CPNE9: variants seen among roughly 807,000 people sequenced by gnomAD.
CPNE9 encodes the protein copine-9.
Under a neutral mutation model 83.0 loss-of-function variants are expected in CPNE9, and 59 were observed. The observed-to-expected ratio is 0.71, with a 90% CI of 0.58 to 0.88. The LOEUF (loss-of-function observed/expected upper bound fraction) is 0.88. CPNE9 is among the 40% of genes least tolerant of loss of function. The probability of loss-of-function intolerance (pLI) is 0.00; values close to 1 mark genes in which losing one functional copy is unlikely to be tolerated. For missense variants in CPNE9, 619 were observed against 720.8 expected, an observed-to-expected ratio of 0.86 and a Z score of 1.62; for synonymous variants, 256 against 273.4, an observed-to-expected ratio of 0.94 and a Z score of 0.63.
At chr3:9,712,954 A>C (rs1553689955) in intron 9 of CPNE9, 21 bp from the exon 10 acceptor site, 1 of 1,605,836 alleles carries the variant, frequency 6.2e-7, no homozygotes, top group Non-Finnish European at 8.5e-7. Flanking sequence ...AATTATACCA[A>C]TTCTTCCCAC....
rs141915900 is a variant in CPNE9, at chr3:9,707,227, C to T, written c.377+1164C>T. 4.4e-3 allele frequency among the ~76,000 whole-genome samples: 668 copies of T among 151,784 alleles called. 6 individuals are homozygous for T. Among genetic ancestry groups the T allele is most frequent in the African/African-American group, 0.015 (626 of 41,342 alleles). ...ACTTAGCTAGGCATGGTGGTGGGTGCCTGTAGTCCCAGCTGCTTGGGAGGC... is the reference window on the plus strand; with the variant it reads ...ACTTAGCTAGGCATGGTGGTGGGTGTCTGTAGTCCCAGCTGCTTGGGAGGC... On this transcript the variant is annotated intron_variant, in intron 7 of 20. Coordinates refer to ENST00000383832, the MANE Select transcript of CPNE9 (RefSeq NM_153635.3).
chr3:9,705,425 A>G, intron 4 of CPNE9, 39 bp from the exon 5 acceptor site: 1 of 303,378 alleles, frequency 3.3e-6, no homozygotes, highest in Non-Finnish European at 5.6e-6. Context: ...CCTCTCCCCC[A>G]CCCAGCCCCA....
chr3:9,727,439 C>T, intron 20 of CPNE9: 2 of 717,404 alleles, frequency 2.8e-6, no homozygotes, highest in Non-Finnish European at 5.2e-6. Context: ...AATAAATAAT[C>T]ACACAAAGAA....
intron 5 of CPNE9, 86 bp downstream of exon 5, chr3:9,705,586 T>C: frequency 6.4e-7 from 1 of 1,566,334 alleles, no homozygotes. Context: ...CTCCCAACCC[T>C]CGACCCAGAC....
chr3:9,705,533 C>T (rs759848118), intron 5 of CPNE9, 33 bp downstream of exon 5: 1 of 1,607,664 alleles, frequency 6.2e-7, no homozygotes, highest in Non-Finnish European at 8.5e-7. Context: ...GTTGGCGGAG[C>T]GCACAGGAGG....
chr3:9,727,213 G>T (rs535517712), intron 20 of CPNE9, 27 bp downstream of exon 20: 1 of 1,613,286 alleles, frequency 6.2e-7, no homozygotes, highest in South Asian at 1.1e-5. Flanking sequence ...AGAGGCTGTG[G>T]AGCTGAGAGG....
intron 17 of CPNE9, among the ~76,000 whole-genome samples, chr3:9,725,329 G>GAA (rs2076767660): frequency 6.6e-6 from 1 of 151,916 alleles, no homozygotes; most frequent in Non-Finnish European, 1.5e-5. Context: ...GAGGTCAGGA[G>GAA]TTTGAGACCA....
intron 4 of CPNE9, 45 bp from the exon 5 acceptor site, chr3:9,705,419 T>TACCCCCC: frequency 4.5e-6 from 3 of 662,630 alleles, no homozygotes; most frequent in Admixed American, 2.6e-5. Context: ...TTCCACCCTC[T>TACCCCCC]CCCCCACCCA....
At chr3:9,712,937 C>G in intron 9 of CPNE9, 38 bp from the exon 10 acceptor site, 1 of 1,586,308 alleles carries the variant, frequency 6.3e-7, no homozygotes. Context: ...ACCCCGGGCA[C>G]GAGATAAATT....
intron 10 of CPNE9, among the ~76,000 whole-genome samples, chr3:9,713,609 G>A (rs1168197256): frequency 6.6e-6 from 1 of 152,136 alleles, no homozygotes; most frequent in Non-Finnish European, 1.5e-5. Context: ...GAATAGAAAA[G>A]CAGGTGGAAT....
intron 20 of CPNE9, among the ~76,000 whole-genome samples, chr3:9,728,726 GT>G (rs1037231311): frequency 2.6e-5 from 4 of 151,906 alleles, no homozygotes; most frequent in East Asian, 3.8e-4. Context: ...ATTTTCTTTT[GT>G]TTTTTTTCTC....
intron 14 of CPNE9, 50 bp from the exon 15 acceptor site, chr3:9,717,008 T>A (rs753835657): frequency 1.3e-6 from 2 of 1,566,132 alleles, no homozygotes; most frequent in Admixed American, 3.3e-5. Flanking sequence ...GAAATAGTGA[T>A]GTAATAATCA....
At chr3:9,715,240 G>T in intron 11 of CPNE9, 49 bp from the exon 12 acceptor site, 1 of 1,588,994 alleles carries the variant, frequency 6.3e-7, no homozygotes, top group South Asian at 1.1e-5. Flanking sequence ...TTCAGCTCTG[G>T]TTCCAAACCA....
At chr3:9,710,850 C>A (rs1190554938) in intron 7 of CPNE9, among the ~76,000 whole-genome samples, 1 of 152,016 alleles carries the variant, frequency 6.6e-6, no homozygotes. Flanking sequence ...CATAGCCAGA[C>A]CTTGTCTCTA....
Position 9,727,181 on chromosome 3 carries a change from G to A in CPNE9, c.1471G>A (p.Val491Ile), listed in dbSNP as rs745527941. The change falls in exon 20 of 21, where the codon GTT (valine) becomes ATT (isoleucine). Residue 491 changes from valine to isoleucine, a missense_variant. This residue lies in a region of CPNE9 where 438 missense variants were observed against 562.9 expected (regional missense o/e 0.78). Transcript: ENST00000383832. Reference sequence around the variant, plus strand: ...GGGACGCTACGCAGAGCGGGACATCGTTCAGGTAGACCTGACGTGGGAGAG... The same window carrying A: ...GGGACGCTACGCAGAGCGGGACATCATTCAGGTAGACCTGACGTGGGAGAG... ...SRGRYAERDI[V>I]QFVPFRDYVD... 2.5e-5 allele frequency: 40 copies of A among 1,614,108 alleles called. No individual in the cohort carries two copies. Among genetic ancestry groups the A allele is most frequent in the Non-Finnish European group, 3.2e-5 (38 of 1,180,040 alleles).
At chr3:9,720,169 G>C (rs1021954151) in intron 17 of CPNE9, among the ~76,000 whole-genome samples, 2 of 151,870 alleles carry the variant, frequency 1.3e-5, no homozygotes, top group African/African-American at 4.8e-5. Context: ...AATAAGCTCT[G>C]TTTGACCTTA....
In CPNE9 at chr3:9,705,005, G is replaced by A. The variant is rs1362493104; in HGVS notation, c.260+11G>A. On this transcript the variant is annotated intron_variant, in intron 4 of 20. Coordinates refer to ENST00000383832, the MANE Select transcript of CPNE9 (RefSeq NM_153635.3). ...TCTGCGCTTCGATGTGTGAGGCCCCGCCTGGAATTCTGGCTTGGCCCGCCC... is the reference window on the plus strand; with the variant it reads ...TCTGCGCTTCGATGTGTGAGGCCCCACCTGGAATTCTGGCTTGGCCCGCCC... 4 of 1,594,564 alleles carry A rather than the reference G, an allele frequency of 2.5e-6. No homozygotes were observed. Among genetic ancestry groups the A allele is most frequent in the East Asian group, 2.3e-5 (1 of 44,440 alleles).
rs547032886 is a variant in CPNE9 at position 9,728,439 on chromosome 3, C to T, written c.1477-1068C>T. On this transcript the variant is annotated intron_variant, in intron 20 of 20. Coordinates refer to ENST00000383832, the MANE Select transcript of CPNE9 (RefSeq NM_153635.3). ...AGGAGTTCGAAACCAGCCTGACCAA[C>T]ATGGAGAAACCCCGTCTCTACTAAA... 1.1e-4 allele frequency among the ~76,000 whole-genome samples: 16 copies of T among 152,238 alleles called. No individual in the cohort carries two copies. In the South Asian group the frequency reaches 3.3e-3, roughly 32 times the overall value.
chr3:9,706,306 T>G (rs951861442), intron 7 of CPNE9, among the ~76,000 whole-genome samples: 24 of 151,174 alleles, frequency 1.6e-4, no homozygotes, highest in African/African-American at 5.6e-4. Flanking sequence ...TCTCTCTCTC[T>G]CCTCACTCTT....
Sources: allele counts gnomAD v4.1 joint callset (sites outside exome capture counted in the v4.1 genomes callset), GRCh38; gene constraint gnomAD v4.1.1; regional missense constraint gnomAD v4.1.1; transcripts MANE v1.5; gene names NCBI Gene and HGNC (gene_info 2026-07-23, HGNC 2026-07-21).